RALYL: variants seen among roughly 807,000 people sequenced by gnomAD.
RALYL encodes the protein RALY RNA binding protein like, also known as RNA-binding Raly-like protein.
In RALYL, 29 loss-of-function variants were observed where a neutral mutation model predicts 35.1. The ratio of observed to expected loss-of-function variants is 0.83; its 90% confidence interval spans 0.61 to 1.13. The LOEUF is 1.13. RALYL is among the 50% of genes most tolerant of loss of function. The pLI, the probability that RALYL is intolerant of heterozygous loss-of-function variation, is 0.00. For synonymous variants in RALYL, 120 were observed against 127.6 expected (o/e 0.94, Z 0.40); for missense variants, 359 against 360.4 (o/e 1.00, Z 0.03).
intron 2 of RALYL, among the ~76,000 whole-genome samples, chr8:84,723,639 C>T (rs1400198739): frequency 2.0e-5 from 3 of 151,826 alleles, no homozygotes; most frequent in Non-Finnish European, 4.4e-5. Context: ...CTATGAGTAA[C>T]TAGGAATTTC....
intron 1 of RALYL, among the ~76,000 whole-genome samples, chr8:84,521,692 A>T (rs1306899015): frequency 6.6e-6 from 1 of 152,234 alleles, no homozygotes; most frequent in Non-Finnish European, 1.5e-5. Context: ...TTAACATGGA[A>T]GTTTATTAAT....
intron 2 of RALYL, among the ~76,000 whole-genome samples, chr8:84,571,221 A>G (rs550807498): frequency 1.9e-4 from 29 of 151,886 alleles, no homozygotes; most frequent in African/African-American, 4.8e-4. Context: ...GTAACATTTT[A>G]GCTATGAATC....
chr8:84,477,305 G>A (rs543494175), intron 1 of RALYL, among the ~76,000 whole-genome samples: 2 of 151,452 alleles, frequency 1.3e-5, no homozygotes, highest in Non-Finnish European at 2.9e-5. Context: ...AGCATCTAAC[G>A]CTGTTGCTTT....
intron 8 of RALYL, among the ~76,000 whole-genome samples, chr8:84,894,718 C>T (rs903952995): frequency 1.3e-5 from 2 of 152,164 alleles, no homozygotes; most frequent in Non-Finnish European, 2.9e-5. Context: ...ACCTGGAATC[C>T]CTCCTCTTCA....
chr8:84,691,199 A>T (rs995345676), intron 2 of RALYL, among the ~76,000 whole-genome samples: 2 of 152,066 alleles, frequency 1.3e-5, no homozygotes, highest in Non-Finnish European at 2.9e-5. Context: ...GGATAACTTT[A>T]TATGGGATCT....
chr8:84,563,596 G>A (rs917272595), intron 2 of RALYL, among the ~76,000 whole-genome samples: 1 of 151,360 alleles, frequency 6.6e-6, no homozygotes, highest in African/African-American at 2.4e-5. Context: ...ACCAGCGGTC[G>A]ATATAGCACA....
chr8:84,258,016 G>T (rs964082115), intron 1 of RALYL, among the ~76,000 whole-genome samples: 2 of 152,046 alleles, frequency 1.3e-5, no homozygotes, highest in Non-Finnish European at 2.9e-5. Flanking sequence ...TAGAGTTCTT[G>T]TTGGGTATCT....
chr8:84,209,591 G>C (rs1818953950), intron 1 of RALYL, among the ~76,000 whole-genome samples: 1 of 152,064 alleles, frequency 6.6e-6, no homozygotes, highest in Non-Finnish European at 1.5e-5. Context: ...GCCAAATTTA[G>C]AATTACCTGG....
intron 1 of RALYL, among the ~76,000 whole-genome samples, chr8:84,223,950 T>A (rs1823173211): frequency 6.6e-6 from 1 of 152,188 alleles, no homozygotes; most frequent in African/African-American, 2.4e-5. Flanking sequence ...TACTTAGATA[T>A]CCCAAATCCT....
chr8:84,488,617 G>A (rs1658186109), intron 1 of RALYL, among the ~76,000 whole-genome samples: 1 of 151,910 alleles, frequency 6.6e-6, no homozygotes. Flanking sequence ...AGGAACAACT[G>A]TGTAGAGCAG....
At chr8:84,420,451 A>G (rs1340063396) in intron 1 of RALYL, among the ~76,000 whole-genome samples, 3 of 151,082 alleles carry the variant, frequency 2.0e-5, no homozygotes, top group Admixed American at 1.3e-4. Context: ...TATTAGCCCT[A>G]TGTCAGATGA....
intron 1 of RALYL, among the ~76,000 whole-genome samples, chr8:84,457,806 A>G (rs1015246146): frequency 6.6e-6 from 1 of 151,844 alleles, no homozygotes; most frequent in Non-Finnish European, 1.5e-5. Flanking sequence ...CCAAATTAGA[A>G]TAACTCCTCC....
In RALYL at chr8:84,345,982, C is replaced by G. The variant is rs188714646; in HGVS notation, c.-24+161558C>G. The stretch of plus-strand genomic sequence containing the variant: ...AACCTTCACTCAACCCTCCAATCCT[C>G]GTTGATTTACCTCCTTGGGACAATT... On this transcript the variant is annotated intron_variant, in intron 1 of 8. Transcript: ENST00000521268. The G allele has an allele frequency of 4.6e-6, 3 of 648,456 alleles. No individual in the cohort carries two copies. In the African/African-American group the frequency reaches 5.9e-5, roughly 13 times the overall value. The allele number at this position is 648,456 out of a possible 1,614,324, so 40.2% of individuals were successfully genotyped here.
chr8:84,798,592 T>C (rs1272071032), intron 3 of RALYL, among the ~76,000 whole-genome samples: 1 of 152,218 alleles, frequency 6.6e-6, no homozygotes, highest in Non-Finnish European at 1.5e-5. Context: ...ACCTGTACAC[T>C]TAAGCCCTTT....
intron 3 of RALYL, among the ~76,000 whole-genome samples, chr8:84,777,445 TAGGGCAC>T (rs1817096998): frequency 6.6e-6 from 1 of 152,154 alleles, no homozygotes; most frequent in Non-Finnish European, 1.5e-5. Flanking sequence ...TGTGTGATCA[TAGGGCAC>T]AGGTTTTAAG....
chr8:84,427,407 G>T (rs895917937), intron 1 of RALYL, among the ~76,000 whole-genome samples: 1 of 152,162 alleles, frequency 6.6e-6, no homozygotes, highest in African/African-American at 2.4e-5. Context: ...TACATCCTAC[G>T]GAGTTAGATT....
chr8:84,184,898 G>A lies in RALYL; in HGVS notation c.-24+474G>A, dbSNP rs929187399. 1.2e-5 allele frequency: 17 copies of A among 1,422,212 alleles called. No homozygotes were observed. The African/African-American group carries it at 2.0e-4, about 17-fold the overall frequency. 88.1% of individuals were successfully genotyped at this position (1,422,212 alleles called of 1,614,324 possible). ...GCGGCAGAGACCGCATATTCCGGAG[G>A]GGCTGGCTCCAGGCCACGCGAGCCG... On this transcript the variant is annotated intron_variant, in intron 1 of 8. Coordinates refer to ENST00000521268, the MANE Select transcript of RALYL (RefSeq NM_173848.7).
At chr8:84,785,503 A>G (rs888445564) in intron 3 of RALYL, among the ~76,000 whole-genome samples, 3 of 152,230 alleles carry the variant, frequency 2.0e-5, no homozygotes, top group Admixed American at 2.0e-4. Flanking sequence ...AAAGTCAGAC[A>G]TACATGCTTT....
intron 4 of RALYL, among the ~76,000 whole-genome samples, chr8:84,825,863 C>G (rs114429885): frequency 7.5e-4 from 114 of 152,128 alleles, no homozygotes; most frequent in African/African-American, 2.7e-3. Flanking sequence ...CAAGATCCAT[C>G]TCAAAAACCA....
Sources: gnomAD v4.1 joint callset for allele counts (sites outside exome capture counted in the v4.1 genomes callset) on GRCh38, gnomAD v4.1.1 for gene constraint, MANE v1.5 for transcripts, NCBI Gene and HGNC (gene_info 2026-07-23, HGNC 2026-07-21) for gene names.